The following LHX9 variants were observed in gnomAD, a reference collection of about 807,000 sequenced individuals.
LHX9 encodes LIM homeobox 9.
Under a neutral mutation model 36.5 loss-of-function variants are expected in LHX9, and 9 were observed. The observed-to-expected ratio is 0.25, with a 90% CI of 0.15 to 0.43. The LOEUF (loss-of-function observed/expected upper bound fraction) is 0.43. Among genes scored for constraint, LHX9 ranks in the 20% least tolerant of loss-of-function variants. The probability of loss-of-function intolerance (pLI) is 1.00; values close to 1 mark genes in which losing one functional copy is unlikely to be tolerated. For missense variants in LHX9, 464 were observed against 526.4 expected (o/e 0.88, Z 1.16); for synonymous variants, 211 against 212.1 (o/e 0.99, Z 0.04).
upstream of LHX9, chr1:197,916,312 T>C: frequency 4.2e-6 from 1 of 240,886 alleles, no homozygotes; most frequent in Non-Finnish European, 8.1e-6. Flanking sequence ...TGCTTGTCAG[T>C]TCTCACCTTC....
At chr1:197,916,732 G>A (rs1030271475), upstream of LHX9, 5 of 702,774 alleles carry the variant, frequency 7.1e-6, no homozygotes, top group African/African-American at 3.5e-5. Context: ...CATCTAGTAG[G>A]GTCTCCGGCC....
At chr1:197,914,401 A>ATT (rs11390778), upstream of LHX9, among the ~76,000 whole-genome samples, 795 of 148,642 alleles carry the variant, frequency 5.3e-3, 2 homozygotes, top group Middle Eastern at 0.014. Context: ...AAGGGGGAAC[A>ATT]TTTTTTTTTT....
chr1:197,921,565 G>A lies in LHX9; in HGVS notation c.639G>A (p.Leu213=), dbSNP rs1659987726. The A allele has an allele frequency of 6.2e-7, 1 of 1,612,982 alleles. No homozygotes were observed. ...CGGCCAAGAGCGGCGGCCTGGCCCT[G>A]CCTTACTTCAACGGTACGGGCACCG... ...ELAAKSGGLA[L]PYFNGTGTVQ... Residue 213 remains leucine (L), a synonymous_variant, in exon 3 of 5, where the codon CTG becomes CTA. Coordinates refer to ENST00000367387, the MANE Select transcript of LHX9 (RefSeq NM_020204.3). This position sits in a 1 kb window ranked among gnomAD's most constrained non-coding sequence, Gnocchi z 4.6.
Position 197,932,102 on chromosome 1 carries a change from T to G in LHX9, c.*2843T>G. ...AAAAAAAAAGAGAGAGAGAGAGACT[T>G]AAATGTCATTTACTGAATGTTAACG... is the stretch of plus-strand genomic sequence containing the variant. On this transcript the variant is annotated 3_prime_UTR_variant, in exon 5 of 5. Coordinates refer to ENST00000367387, the MANE Select transcript of LHX9 (RefSeq NM_020204.3). 1.3e-5 allele frequency: 8 copies of G among 609,784 alleles called. No individual in the cohort carries two copies. Among genetic ancestry groups the G allele is most frequent in the Non-Finnish European group, 2.3e-5 (8 of 347,816 alleles). 37.8% of individuals were successfully genotyped at this position (609,784 alleles called of 1,614,324 possible).
At chr1:197,926,502 T>C (rs570171898) in intron 3 of LHX9, among the ~76,000 whole-genome samples, 2 of 152,258 alleles carry the variant, frequency 1.3e-5, no homozygotes, top group Admixed American at 6.5e-5. Context: ...TTGTATTTCC[T>C]ATGCAGAGCC....
At chr1:197,914,855 C>T (rs968531868), upstream of LHX9, among the ~76,000 whole-genome samples, 1 of 152,154 alleles carries the variant, frequency 6.6e-6, no homozygotes, top group African/African-American at 2.4e-5. Context: ...TTTATAAGAG[C>T]AGGAATAGCT....
At chr1:197,925,544 T>C (rs567706399) in intron 3 of LHX9, among the ~76,000 whole-genome samples, 2 of 151,998 alleles carry the variant, frequency 1.3e-5, no homozygotes, top group South Asian at 2.1e-4. Flanking sequence ...TTTGTGGGTA[T>C]ATTTATAATC....
Position 197,921,780 on chromosome 1 carries a change from C to T in LHX9, c.733+121C>T. 1.3e-6 allele frequency: 1 copy of T among 769,764 alleles called. No homozygotes were observed. 47.7% of individuals were successfully genotyped at this position (769,764 alleles called of 1,614,324 possible). ...GTTTTGCCCAATGCCTCTGTTCTCA[C>T]TGCAACTCCCTCTCACTCTGAAGGA... On this transcript the variant is annotated intron_variant, in intron 3 of 4. Coordinates refer to ENST00000367387, the MANE Select transcript of LHX9 (RefSeq NM_020204.3). This position sits in a 1 kb window ranked among gnomAD's most constrained non-coding sequence, Gnocchi z 4.6.
In LHX9 at chr1:197,920,116, T is replaced by G; in HGVS notation, c.319T>G (p.Ser107Ala). The change falls in exon 2 of 5, where the codon TCC becomes GCC. Residue 107 changes from serine to alanine, a missense_variant. Transcript: ENST00000367387. ...CTGTGAATGTAAGCTGGCCCTCGAG[T>G]CCGAGCTCACCTGCTTTGCCAAGGA... ...KCCECKLALE[S>A]ELTCFAKDGS... 1 of 1,614,096 alleles carries G rather than the reference T, an allele frequency of 6.2e-7. No individual in the cohort carries two copies. Among genetic ancestry groups the G allele is most frequent in the Non-Finnish European group, 8.5e-7 (1 of 1,180,004 alleles).
intron 4 of LHX9, among the ~76,000 whole-genome samples, chr1:197,928,202 T>C (rs12568860): frequency 0.22 from 32,774 of 152,128 alleles, 3,756 homozygotes; most frequent in South Asian, 0.34. Context: ...TCACTCACCT[T>C]CCAAATTCAG....
chr1:197,917,289 G>C (rs1174082140), upstream of LHX9: 2 of 1,227,936 alleles, frequency 1.6e-6, no homozygotes, highest in African/African-American at 3.2e-5. Context: ...TGGCAGCTCC[G>C]GGGAGAGAAC....
chr1:197,917,090 A>G (rs1659781073), upstream of LHX9: 1 of 156,956 alleles, frequency 6.4e-6, no homozygotes, highest in South Asian at 2.1e-4. Context: ...TCTTGGAAGG[A>G]TGTGTGTGTG....
intron 2 of LHX9, among the ~76,000 whole-genome samples, chr1:197,920,683 G>T (rs1306114107): frequency 3.3e-5 from 5 of 152,058 alleles, no homozygotes; most frequent in Non-Finnish European, 5.9e-5. Flanking sequence ...TCCTTTTATC[G>T]CTAGTTACAA....
Position 197,929,086 on chromosome 1 carries a change from T to G in LHX9, c.1021T>G (p.Ser341Ala). The change falls in exon 5 of 5, where the codon TCG (serine) becomes GCG (alanine). Residue 341 changes from serine to alanine, a missense_variant. Coordinates refer to ENST00000367387, the MANE Select transcript of LHX9 (RefSeq NM_020204.3). ...GGGTGTTGATAAAGCTGACGGCACG[T>G]CGCTTCCGGCCCCGCCCTCAGCAGA... ...NGGVDKADGT[S>A]LPAPPSADSG... 6.2e-7 allele frequency: 1 copy of G among 1,613,634 alleles called. No homozygotes were observed.
In LHX9 at chr1:197,918,250, G is replaced by C. The variant is rs1571398592; in HGVS notation, c.174+253G>C. On this transcript the variant is annotated intron_variant, in intron 1 of 4. Transcript: ENST00000367387. ...AAAGAGCAGGGAGAGGAACTGGGAG[G>C]AGGTGGGATGGGGGGTGGTGGCATT... 1.1e-5 allele frequency: 8 copies of C among 716,122 alleles called. No homozygotes were observed. In the East Asian group the frequency reaches 2.2e-4, roughly 19 times the overall value. 44.4% of individuals were successfully genotyped at this position (716,122 alleles called of 1,614,324 possible).
upstream of LHX9, among the ~76,000 whole-genome samples, chr1:197,914,347 A>AT (rs2102587901): frequency 6.6e-6 from 1 of 152,148 alleles, no homozygotes; most frequent in South Asian, 2.1e-4. Context: ...GAACACTGTA[A>AT]TTTTTATGGA....
upstream of LHX9, chr1:197,912,575 G>T (rs772350025): frequency 5.6e-6 from 9 of 1,613,738 alleles, no homozygotes; most frequent in African/African-American, 6.7e-5. Context: ...TTATGTGCCA[G>T]GTTCCTTCTG....
At chr1:197,920,428 TG>T (rs1427383484) in intron 2 of LHX9, among the ~76,000 whole-genome samples, 5 of 152,142 alleles carry the variant, frequency 3.3e-5, no homozygotes, top group Non-Finnish European at 7.4e-5. Flanking sequence ...CTTCTCAGCT[TG>T]GCTGGCGGAA....
chr1:197,917,951 C>A lies in LHX9; in HGVS notation c.128C>A (p.Thr43Asn), dbSNP rs974075181. The A allele has an allele frequency of 5.8e-5, 94 of 1,614,068 alleles. No individual in the cohort carries two copies. The highest frequency in any genetic ancestry group is 7.8e-5 in the Non-Finnish European group (92 of 1,180,004). ...IMEEMERRSK[T>N]EARLAKGAQL... ...GAGGAGATGGAGCGCAGATCCAAGACTGAGGCCCGTCTGGCCAAAGGCGCC... is the reference window on the plus strand; with the variant it reads ...GAGGAGATGGAGCGCAGATCCAAGAATGAGGCCCGTCTGGCCAAAGGCGCC... Residue 43 changes from threonine to asparagine, a missense_variant, in exon 1 of 5, where the codon ACT becomes AAT. Physicochemically the swap from Thr to Asn is moderately conservative, Grantham distance 65. This residue lies in a region of LHX9 where 119 missense variants were observed against 102.4 expected (regional missense o/e 1.16). Coordinates refer to ENST00000367387, the MANE Select transcript of LHX9 (RefSeq NM_020204.3).
Sources: allele counts gnomAD v4.1 joint callset (sites outside exome capture counted in the v4.1 genomes callset), GRCh38; gene constraint gnomAD v4.1.1; regional missense constraint gnomAD v4.1.1; non-coding constraint Gnocchi (gnomAD v3.1); transcripts MANE v1.5; gene names NCBI Gene and HGNC (gene_info 2026-07-23, HGNC 2026-07-21).